Variants in SPOCK3 observed in about 807,000 individuals in gnomAD.
The protein encoded by SPOCK3 is SPARC (osteonectin), cwcv and kazal like domains proteoglycan 3, also known as testican-3.
SPOCK3 carries 30 observed loss-of-function variants against 56.6 expected under a neutral mutation model. That is an observed-to-expected ratio of 0.53 (90% CI 0.40 to 0.72). The LOEUF is 0.72. Ranked by LOEUF, SPOCK3 falls within the 30% of genes least tolerant of loss-of-function variation. The pLI, the probability that SPOCK3 is intolerant of heterozygous loss-of-function variation, is 0.00. For missense variants in SPOCK3, 527 were observed against 530.0 expected (o/e 0.99, Z 0.06); for synonymous variants, 196 against 183.3 (o/e 1.07, Z -0.56).
chr4:166,889,300 C>T, intron 5 of SPOCK3, 56 bp from the exon 6 acceptor site: 1 of 1,137,196 alleles, frequency 8.8e-7, no homozygotes, highest in Non-Finnish European at 1.3e-6. Flanking sequence ...ATCAGTAAAA[C>T]TCAAGAAATT....
chr4:166,864,557 G>A (rs747019940), intron 6 of SPOCK3, among the ~76,000 whole-genome samples: 1 of 152,026 alleles, frequency 6.6e-6, no homozygotes, highest in Non-Finnish European at 1.5e-5. Flanking sequence ...AAGAAGAAAA[G>A]AGAGAAGAAT....
chr4:167,195,850 C>T (rs573526539), intron 2 of SPOCK3, among the ~76,000 whole-genome samples: 15 of 152,216 alleles, frequency 9.9e-5, no homozygotes, highest in South Asian at 8.3e-4. Context: ...GTGTCACAAC[C>T]GAATACCTGA....
chr4:166,747,137 G>A (rs138476866), intron 8 of SPOCK3, among the ~76,000 whole-genome samples: 37,130 of 152,012 alleles, frequency 0.24, 5,552 homozygotes, highest in African/African-American at 0.41. Context: ...CATTTTATGA[G>A]GTCAACATCA....
chr4:166,844,424 C>A lies in SPOCK3; in HGVS notation c.589+44706G>T, dbSNP rs1362888912. Among the ~76,000 whole-genome samples, 5 of 152,294 alleles carry A rather than the reference C, an allele frequency of 3.3e-5. No homozygotes were observed. The East Asian group carries it at 9.6e-4, about 29-fold the overall frequency. ...TCCAGATGTTTGATAAAACATAATTCTAGATGGTTCTGTGAAGGCATTTTT... is the reference window on the plus strand; with the variant it reads ...TCCAGATGTTTGATAAAACATAATTATAGATGGTTCTGTGAAGGCATTTTT... On this transcript the variant is annotated intron_variant, in intron 6 of 10. Transcript: ENST00000357545.
intron 3 of SPOCK3, among the ~76,000 whole-genome samples, chr4:167,017,047 A>C (rs1027031027): frequency 6.6e-6 from 1 of 152,112 alleles, no homozygotes; most frequent in Non-Finnish European, 1.5e-5. Flanking sequence ...GAGCCTTCCC[A>C]TATTTTCTAT....
intron 4 of SPOCK3, among the ~76,000 whole-genome samples, chr4:166,944,262 G>A (rs188718329): frequency 2.1e-3 from 314 of 151,994 alleles, no homozygotes; most frequent in African/African-American, 7.1e-3. Flanking sequence ...ATAGATATAT[G>A]AGTATCCGTT....
intron 2 of SPOCK3, among the ~76,000 whole-genome samples, chr4:167,131,572 C>A (rs886409883): frequency 3.9e-5 from 6 of 152,098 alleles, no homozygotes; most frequent in African/African-American, 1.4e-4. Context: ...CATTGCACTC[C>A]AGCCTGGGCG....
chr4:167,008,307 T>G (rs1749665177), intron 3 of SPOCK3, among the ~76,000 whole-genome samples: 1 of 152,174 alleles, frequency 6.6e-6, no homozygotes, highest in South Asian at 2.1e-4. Flanking sequence ...TATAAATATA[T>G]ACTTAATTCT....
At chr4:167,234,831 C>T (rs1737559116), upstream of SPOCK3, 1 of 152,600 alleles carries the variant, frequency 6.6e-6, no homozygotes, top group African/African-American at 2.4e-5. Flanking sequence ...CTCATGTTCG[C>T]GAGACAGCCT....
chr4:166,854,021 T>A (rs1352105037), intron 6 of SPOCK3, among the ~76,000 whole-genome samples: 1 of 152,182 alleles, frequency 6.6e-6, no homozygotes, highest in Non-Finnish European at 1.5e-5. Flanking sequence ...CAATATGAAA[T>A]TTCTGATATT....
intron 7 of SPOCK3, among the ~76,000 whole-genome samples, chr4:166,768,983 T>C (rs1343544820): frequency 2.6e-5 from 4 of 152,244 alleles, no homozygotes; most frequent in African/African-American, 7.2e-5. Context: ...TCAAATCAGC[T>C]ACTGAAGCTT....
At chr4:166,752,506 C>T (rs745734535) in intron 8 of SPOCK3, among the ~76,000 whole-genome samples, 4 of 147,166 alleles carry the variant, frequency 2.7e-5, no homozygotes, top group African/African-American at 2.5e-5. Flanking sequence ...TTTTTGAGAG[C>T]GAGAGCTCTA....
At position 166,839,990 on chromosome 4, in the gene SPOCK3, G is replaced by A. The variant is rs976338763; in HGVS notation, c.590-47701C>T. ...TCAATAAACTTTGCTTTGAGCTTGC[G>A]TTTTAGTGTTTGCAATTCTTTGCTA... On this transcript the variant is annotated intron_variant, in intron 6 of 10. Transcript: ENST00000357545. Among the ~76,000 whole-genome samples, 87 of 152,316 alleles carry A rather than the reference G, an allele frequency of 5.7e-4. 1 individual carries two copies. Among genetic ancestry groups the A allele is most frequent in the African/African-American group, 1.8e-3 (76 of 41,576 alleles).
At chr4:166,740,876 C>T (rs1041402893) in intron 9 of SPOCK3, among the ~76,000 whole-genome samples, 1 of 152,120 alleles carries the variant, frequency 6.6e-6, no homozygotes, top group Admixed American at 6.6e-5. Flanking sequence ...CATCTTGTAA[C>T]AGGGTCAAAA....
intron 2 of SPOCK3, among the ~76,000 whole-genome samples, chr4:167,194,284 A>G (rs995479368): frequency 2.6e-5 from 3 of 116,830 alleles, no homozygotes; most frequent in South Asian, 4.8e-4. Flanking sequence ...TTTGTATGAG[A>G]CTTCTTATTT....
At chr4:166,752,047 G>A (rs902876178) in intron 8 of SPOCK3, among the ~76,000 whole-genome samples, 1 of 151,874 alleles carries the variant, frequency 6.6e-6, no homozygotes. Context: ...TGTTGTTGTT[G>A]AGGTAGGGTC....
At chr4:166,895,071 T>C (rs2127029450) in intron 5 of SPOCK3, among the ~76,000 whole-genome samples, 2 of 152,226 alleles carry the variant, frequency 1.3e-5, no homozygotes, top group Admixed American at 1.3e-4. Flanking sequence ...TAATTAAACT[T>C]TGTCATTCAA....
intron 3 of SPOCK3, among the ~76,000 whole-genome samples, chr4:167,016,154 TG>T (rs770241438): frequency 4.6e-5 from 7 of 152,252 alleles, no homozygotes; most frequent in Non-Finnish European, 8.8e-5. Context: ...TGTGGCTTGA[TG>T]ATATGAAAAA....
chr4:166,754,813 C>T, intron 7 of SPOCK3, 84 bp from the exon 8 acceptor site: 1 of 1,239,284 alleles, frequency 8.1e-7, no homozygotes, highest in Non-Finnish European at 1.2e-6. Context: ...TAGCAGGTAG[C>T]TAGTGTAGGA....
Sources: gnomAD v4.1 joint callset for allele counts (sites outside exome capture counted in the v4.1 genomes callset) on GRCh38, gnomAD v4.1.1 for gene constraint, MANE v1.5 for transcripts, NCBI Gene and HGNC (gene_info 2026-07-23, HGNC 2026-07-21) for gene names.